CNTLN: variants seen among roughly 807,000 people sequenced by gnomAD.
CNTLN encodes the protein centlein, centrosomal protein.
Under a neutral mutation model 180.0 loss-of-function variants are expected in CNTLN, and 212 were observed. That is an observed-to-expected ratio of 1.18 (90% CI 1.05 to 1.32). CNTLN has a LOEUF of 1.32. Ranked by LOEUF, CNTLN falls within the 40% of genes most tolerant of loss-of-function variation. The pLI is 0.00. For synonymous variants in CNTLN, 722 were observed against 563.1 expected, an observed-to-expected ratio of 1.28 and a Z score of -3.99; for missense variants, 2,095 against 1,610.9, an observed-to-expected ratio of 1.30 and a Z score of -5.14.
In CNTLN at chr9:17,135,105, C is replaced by T. The variant is rs757057300; in HGVS notation, c.40C>T (p.Pro14Ser). The change falls in exon 1 of 26, where the codon CCA (proline) becomes TCA (serine). Residue 14 changes from proline to serine, a missense_variant. Transcript: ENST00000380647. ...RSPPSPHPSP[P>S]ARQLGPRSPR... Reference sequence around the variant, plus strand: ...GCCTCCCTCACCGCACCCTTCGCCCCCAGCGCGACAGCTGGGCCCCAGGTC... The same window carrying T: ...GCCTCCCTCACCGCACCCTTCGCCCTCAGCGCGACAGCTGGGCCCCAGGTC... 2 of 1,605,930 alleles carry T rather than the reference C, an allele frequency of 1.2e-6. No individual in the cohort carries two copies. Among genetic ancestry groups the T allele is most frequent in the Non-Finnish European group, 1.7e-6 (2 of 1,177,892 alleles).
intron 2 of CNTLN, among the ~76,000 whole-genome samples, chr9:17,219,814 T>C (rs1333056): frequency 0.028 from 4,202 of 152,194 alleles, 200 homozygotes; most frequent in African/African-American, 0.095. Flanking sequence ...ATTAAAATGC[T>C]AGCCAATGTG....
chr9:17,518,307 A>G, the CNTLN span, among the ~76,000 whole-genome samples: 1 of 151,918 alleles, frequency 6.6e-6, no homozygotes, highest in Non-Finnish European at 1.5e-5. Context: ...TCGCCCTCCC[A>G]AAATGCTGGG....
intron 6 of CNTLN, among the ~76,000 whole-genome samples, chr9:17,293,772 T>C (rs145960452): frequency 6.6e-6 from 1 of 152,068 alleles, no homozygotes; most frequent in Non-Finnish European, 1.5e-5. Flanking sequence ...TAGTCGTAGG[T>C]AGTCACCAGC....
At chr9:17,176,990 T>G (rs1227133472) in intron 2 of CNTLN, among the ~76,000 whole-genome samples, 1 of 152,256 alleles carries the variant, frequency 6.6e-6, no homozygotes, top group African/African-American at 2.4e-5. Context: ...GCTAGAAGTT[T>G]TTGCAAAGTA....
In CNTLN at chr9:17,236,362, TGTTTC is replaced by T. The variant is rs758810287; in HGVS notation, c.670-42_670-38del. On this transcript the variant is annotated intron_variant, in intron 4 of 25. Transcript: ENST00000380647. ...AGTGCTCACCATTTTTTGGGTTTTT[TGTTTC>T]GTTTTGTTTTATTTATTTGCCCTTG... The T allele has an allele frequency of 8.8e-6, 13 of 1,484,118 alleles. No individual in the cohort carries two copies. The African/African-American group carries it at 1.3e-4, about 15-fold the overall frequency. 91.9% of individuals were successfully genotyped at this position (1,484,118 alleles called of 1,614,324 possible).
At chr9:17,188,542 C>G (rs1011246935) in intron 2 of CNTLN, among the ~76,000 whole-genome samples, 2 of 152,118 alleles carry the variant, frequency 1.3e-5, no homozygotes, top group African/African-American at 4.8e-5. Context: ...TTGGGAAAGA[C>G]TATGATCCTC....
At chr9:17,451,980 T>A (rs919511800) in intron 18 of CNTLN, among the ~76,000 whole-genome samples, 2 of 152,174 alleles carry the variant, frequency 1.3e-5, no homozygotes, top group African/African-American at 4.8e-5. Flanking sequence ...CCCGATCCCA[T>A]TCATTTCCCT....
intron 5 of CNTLN, among the ~76,000 whole-genome samples, chr9:17,237,406 C>T (rs993220141): frequency 4.0e-5 from 5 of 123,696 alleles, no homozygotes; most frequent in South Asian, 2.6e-4. Context: ...CACACACACA[C>T]GGTTAGTCAA....
At chr9:17,368,309 A>G (rs1362848403) in intron 13 of CNTLN, among the ~76,000 whole-genome samples, 1 of 152,132 alleles carries the variant, frequency 6.6e-6, no homozygotes, top group Non-Finnish European at 1.5e-5. Flanking sequence ...TGGTGGTTTG[A>G]GTGCCAGCTC....
At position 17,306,146 on chromosome 9, in the gene CNTLN, A is replaced by ATTTTTTTTTTTT. The variant is rs572150057; in HGVS notation, c.1147-2902_1147-2891dup. On this transcript the variant is annotated intron_variant, in intron 7 of 25. Coordinates refer to ENST00000380647, the MANE Select transcript of CNTLN (RefSeq NM_017738.4). ...ACAAGAAGGGTGCTATTAGTCGTCTATTTTTTTTTTTTTTTTTTTTTGAGT... is the reference window on the plus strand; with the variant it reads ...ACAAGAAGGGTGCTATTAGTCGTCTATTTTTTTTTTTTTTTTTTTTTTTTTTTTTTTTTGAGT... 2.3e-5 allele frequency among the ~76,000 whole-genome samples: 3 copies of ATTTTTTTTTTTT among 128,008 alleles called. No homozygotes were observed. The Admixed American group carries it at 2.4e-4, about 10-fold the overall frequency. The allele number at this position is 128,008 out of a possible 152,430, so 84.0% of individuals were successfully genotyped here. A position where few individuals can be genotyped will look rare whatever the true frequency, so the allele number is the denominator to read the frequency against.
intron 19 of CNTLN, among the ~76,000 whole-genome samples, chr9:17,457,950 T>C (rs1404669635): frequency 1.3e-5 from 2 of 151,968 alleles, no homozygotes; most frequent in East Asian, 3.9e-4. Context: ...TAGGAGCTGA[T>C]TTAAACTGGC....
chr9:17,479,184 A>T (rs58791247), intron 23 of CNTLN, among the ~76,000 whole-genome samples: 1 of 152,190 alleles, frequency 6.6e-6, no homozygotes. Context: ...TAGTAATCCC[A>T]CTTCTGGGTA....
At chr9:17,267,371 C>G (rs1201907043) in intron 5 of CNTLN, among the ~76,000 whole-genome samples, 2 of 152,152 alleles carry the variant, frequency 1.3e-5, no homozygotes, top group Non-Finnish European at 1.5e-5. Flanking sequence ...TAGGCCCCCA[C>G]TCTCTTCTGG....
intron 25 of CNTLN, among the ~76,000 whole-genome samples, chr9:17,489,046 G>T (rs985608173): frequency 1.3e-5 from 2 of 151,954 alleles, no homozygotes; most frequent in Non-Finnish European, 2.9e-5. Context: ...TTTGAATTTT[G>T]TGAGAGAACA....
intron 23 of CNTLN, among the ~76,000 whole-genome samples, chr9:17,482,823 C>T (rs945644914): frequency 6.6e-6 from 1 of 152,064 alleles, no homozygotes; most frequent in Non-Finnish European, 1.5e-5. Flanking sequence ...GAAAGATGGA[C>T]TGCTAAGTGG....
intron 10 of CNTLN, among the ~76,000 whole-genome samples, chr9:17,338,193 TC>T (rs1243621645): frequency 4.6e-5 from 7 of 150,684 alleles, no homozygotes; most frequent in Non-Finnish European, 8.9e-5. Context: ...AGAGTGTCTC[TC>T]TGTCGCCCAA....
At position 17,135,300 on chromosome 9, in the gene CNTLN, C is replaced by G. The variant is rs181004987; in HGVS notation, c.235C>G (p.Leu79Val). Residue 79 changes from leucine to valine, a missense_variant, in exon 1 of 26, where the codon CTC becomes GTC. Transcript: ENST00000380647. Reference protein sequence around the residue: ...PGGAAPAHAPLLSAPMGSRRL... With the variant: ...PGGAAPAHAPVLSAPMGSRRL... Reference sequence around the variant, plus strand: ...GGGGGCAGCTCCGGCTCATGCTCCCCTCCTCAGCGCGCCCATGGGGTCCAG... The same window carrying G: ...GGGGGCAGCTCCGGCTCATGCTCCCGTCCTCAGCGCGCCCATGGGGTCCAG... The G allele has an allele frequency of 2.2e-4, 352 of 1,600,958 alleles. No homozygotes were observed. Among genetic ancestry groups the G allele is most frequent in the Admixed American group, 3.3e-4 (19 of 57,738 alleles).
intron 5 of CNTLN, among the ~76,000 whole-genome samples, chr9:17,251,767 T>C (rs1379490829): frequency 6.6e-6 from 1 of 151,906 alleles, no homozygotes; most frequent in Non-Finnish European, 1.5e-5. Context: ...TTTCAGTTGC[T>C]TCGAAATACA....
At chr9:17,487,973 G>A (rs2891111) in intron 25 of CNTLN, among the ~76,000 whole-genome samples, 52,969 of 151,888 alleles carry the variant, frequency 0.35, 9,446 homozygotes, top group East Asian at 0.47. Flanking sequence ...TTTTTTAAAT[G>A]GACTGGAATA....
Sources: gnomAD v4.1 joint callset for allele counts (sites outside exome capture counted in the v4.1 genomes callset) on GRCh38, gnomAD v4.1.1 for gene constraint, MANE v1.5 for transcripts, NCBI Gene and HGNC (gene_info 2026-07-23, HGNC 2026-07-21) for gene names.